Variants in ARMC12 observed in about 807,000 individuals in gnomAD.
ARMC12 encodes armadillo repeat containing 12, also known as armadillo repeat-containing protein 12.
In ARMC12, 25 loss-of-function variants were observed where a neutral mutation model predicts 37.4. The observed-to-expected ratio is 0.67, with a 90% CI of 0.49 to 0.93. The LOEUF (loss-of-function observed/expected upper bound fraction) is 0.93, where lower values mean the gene tolerates loss of function less well. Among genes scored for constraint, ARMC12 ranks in the 40% least tolerant of loss-of-function variants. The probability of loss-of-function intolerance (pLI) is 0.00; values close to 1 mark genes in which losing one functional copy is unlikely to be tolerated. For synonymous variants in ARMC12, 167 were observed against 176.1 expected (o/e 0.95, Z 0.41); for missense variants, 384 against 426.6 (o/e 0.90, Z 0.88).
At chr6:35,746,202 G>T (rs992293813) in intron 3 of ARMC12, among the ~76,000 whole-genome samples, 1 of 152,140 alleles carries the variant, frequency 6.6e-6, no homozygotes, top group Non-Finnish European at 1.5e-5. Flanking sequence ...TACTGAGAAG[G>T]TAACATTTTA....
chr6:35,741,477 C>T (rs904463115), intron 3 of ARMC12, among the ~76,000 whole-genome samples: 8 of 151,392 alleles, frequency 5.3e-5, no homozygotes, highest in African/African-American at 1.7e-4. Context: ...TGCAGTGGCA[C>T]GATCTCGGCT....
Position 35,737,079 on chromosome 6 carries a change from C to A in ARMC12, c.-30C>A. The A allele has an allele frequency of 6.2e-7, 1 of 1,612,038 alleles. No homozygotes were observed. Among genetic ancestry groups the A allele is most frequent in the Non-Finnish European group, 8.5e-7 (1 of 1,178,632 alleles). On this transcript the variant is annotated 5_prime_UTR_variant, in exon 1 of 6. Coordinates refer to ENST00000373866, the MANE Select transcript of ARMC12 (RefSeq NM_001286574.2). ...CCCCACAGGTGCCTTGGGCCTAGCT[C>A]TCACCTGGGCCCAGGGCAACACTGA...
intron 3 of ARMC12, among the ~76,000 whole-genome samples, chr6:35,738,915 A>G (rs1767080901): frequency 6.6e-6 from 1 of 152,220 alleles, no homozygotes; most frequent in Admixed American, 6.5e-5. Context: ...CCCCGACTTC[A>G]GGTACCAATC....
At chr6:35,741,656 G>A (rs1033616300) in intron 3 of ARMC12, among the ~76,000 whole-genome samples, 6 of 152,128 alleles carry the variant, frequency 3.9e-5, no homozygotes, top group Non-Finnish European at 5.9e-5. Context: ...CTGGCCTCAA[G>A]TGATCTGCCT....
chr6:35,747,607 C>A lies in ARMC12; in HGVS notation c.650C>A (p.Ala217Glu), dbSNP rs765371040. ...GCCGTACGACTGCTGAGCTACCTGG[C>A]ACAGAAGAATGACCTTCTCTATGAC... ...VQAVRLLSYL[A>E]QKNDLLYDIL... The change falls in exon 5 of 6, where the codon GCA (alanine) becomes GAA (glutamate). Residue 217 changes from alanine to glutamate, a missense_variant. Ala to Glu is a moderately radical substitution (Grantham distance 107). Coordinates refer to ENST00000373866, the MANE Select transcript of ARMC12 (RefSeq NM_001286574.2). The A allele has an allele frequency of 1.3e-5, 21 of 1,614,098 alleles. No homozygotes were observed. In the African/African-American group the frequency reaches 2.1e-4, roughly 16 times the overall value.
upstream of ARMC12, among the ~76,000 whole-genome samples, chr6:35,732,699 G>C (rs1021601800): frequency 6.6e-6 from 1 of 152,222 alleles, no homozygotes; most frequent in African/African-American, 2.4e-5. Context: ...CTGGTAAAGA[G>C]AATGAGGAAG....
At chr6:35,732,338 A>G (rs923761069), upstream of ARMC12, among the ~76,000 whole-genome samples, 1 of 152,178 alleles carries the variant, frequency 6.6e-6, no homozygotes, top group Non-Finnish European at 1.5e-5. Context: ...GCACGTGTTG[A>G]GCGTCCCCTG....
Position 35,748,862 on chromosome 6 carries a change from A to G in ARMC12, c.1015A>G (p.Thr339Ala), listed in dbSNP as rs536206577. Residue 339 changes from threonine (T) to alanine (A), a missense_variant, in exon 6 of 6, where the codon ACG becomes GCG. Coordinates refer to ENST00000373866, the MANE Select transcript of ARMC12 (RefSeq NM_001286574.2). ...CQPSRSYFKNTE is the reference protein window; with the variant it reads ...CQPSRSYFKNAE ...GCCCAGTCGTTCCTACTTTAAAAAC[A>G]CGGAATAAAATTAAGGAGAGCCAAT... 19 of 1,608,998 alleles carry G rather than the reference A, an allele frequency of 1.2e-5. No individual in the cohort carries two copies. Among genetic ancestry groups the G allele is most frequent in the Non-Finnish European group, 1.6e-5 (19 of 1,177,734 alleles).
intron 3 of ARMC12, among the ~76,000 whole-genome samples, chr6:35,745,506 C>G (rs888353609): frequency 2.0e-5 from 3 of 152,112 alleles, no homozygotes; most frequent in Non-Finnish European, 4.4e-5. Flanking sequence ...AAAGGGGTCT[C>G]TTGAGATAGA....
rs762790813 is a variant in ARMC12 at position 35,747,253 on chromosome 6, C to T, written c.445-8C>T. ...AAAAGTAAGCCCTTTTGTTCTCCCC[C>T]ACTCCAGGAACACTCCATCAAAGTA... On this transcript the variant is annotated splice_region_variant and splice_polypyrimidine_tract_variant and intron_variant, in intron 3 of 5. Transcript: ENST00000373866. The T allele has an allele frequency of 3.7e-6, 6 of 1,608,404 alleles. No homozygotes were observed. The highest frequency in any genetic ancestry group is 5.1e-6 in the Non-Finnish European group (6 of 1,177,356).
At chr6:35,744,710 G>A (rs1050097006) in intron 3 of ARMC12, among the ~76,000 whole-genome samples, 36 of 152,158 alleles carry the variant, frequency 2.4e-4, no homozygotes, top group African/African-American at 8.7e-4. Flanking sequence ...AGCCGAGATC[G>A]CACCACTGCA....
At position 35,748,733 on chromosome 6, in the gene ARMC12, G is replaced by C; in HGVS notation, c.886G>C (p.Ala296Pro). 3.7e-6 allele frequency: 6 copies of C among 1,614,206 alleles called. No homozygotes were observed. The highest frequency in any genetic ancestry group is 5.1e-6 in the Non-Finnish European group (6 of 1,180,046). The stretch of plus-strand genomic sequence containing the variant: ...GTCCCGACTGGCAGACCGACTACTT[G>C]CCCTGGTCATCCACCCTGAGGAAGA... ...EESRLADRLL[A>P]LVIHPEEDVQ... Residue 296 changes from alanine (A) to proline (P), a missense_variant, in exon 6 of 6, where the codon GCC becomes CCC. Ala to Pro is a conservative substitution (Grantham distance 27). Transcript: ENST00000373866.
At position 35,737,039 on chromosome 6, in the gene ARMC12, T is replaced by A; in HGVS notation, c.-70T>A. The A allele has an allele frequency of 6.3e-7, 1 of 1,588,376 alleles. No homozygotes were observed. The highest frequency in any genetic ancestry group is 8.6e-7 in the Non-Finnish European group (1 of 1,166,268). ...CTGGTTCCTGACCCTGCCAGAGTTC[T>A]GGTTCCGGAAGGCCCCCCACAGGTG... is the stretch of plus-strand genomic sequence containing the variant. On this transcript the variant is annotated 5_prime_UTR_variant, in exon 1 of 6. Transcript: ENST00000373866.
chr6:35,738,414 TTGCTGGGCTACA>T lies in ARMC12; in HGVS notation c.347_358del (p.Gly116_Leu119del). 1 of 1,613,788 alleles carries T rather than the reference TTGCTGGGCTACA, an allele frequency of 6.2e-7. No homozygotes were observed. The highest frequency in any genetic ancestry group is 8.5e-7 in the Non-Finnish European group (1 of 1,179,968). ...TGCTTGTACTACGGATGACATCGTG[TTGCTGGGCTACA>T]TGCTGGATGACAAGGACAACAGTGT... On this transcript the variant is annotated inframe_deletion, in exon 3 of 6. Transcript: ENST00000373866.
chr6:35,748,750 T>C lies in ARMC12; in HGVS notation c.903T>C (p.Pro301=). The C allele has an allele frequency of 6.2e-7, 1 of 1,614,234 alleles. No homozygotes were observed. Among genetic ancestry groups the C allele is most frequent in the Non-Finnish European group, 8.5e-7 (1 of 1,180,038 alleles). Residue 301 remains proline, a synonymous_variant, in exon 6 of 6, where the codon CCT becomes CCC. Transcript: ENST00000373866. ...ADRLLALVIH[P]EEDVQIQACK... is the part of the protein sequence containing the mutation. ...GACTACTTGCCCTGGTCATCCACCC[T>C]GAGGAAGATGTTCAGATCCAGGCCT...
At chr6:35,734,446 G>GCTAC (rs1235999741), upstream of ARMC12, among the ~76,000 whole-genome samples, 1 of 152,218 alleles carries the variant, frequency 6.6e-6, no homozygotes, top group Non-Finnish European at 1.5e-5. Context: ...GCAAGTGTGA[G>GCTAC]CTACCACGCC....
chr6:35,738,201 C>G (rs537106456), intron 2 of ARMC12, 29 bp downstream of exon 2: 1 of 1,586,008 alleles, frequency 6.3e-7, no homozygotes, highest in Non-Finnish European at 8.6e-7. Context: ...CCCCCCTAGC[C>G]GGCCTGGCCC....
At chr6:35,731,854 A>G in the ARMC12 span, among the ~76,000 whole-genome samples, 1 of 151,876 alleles carries the variant, frequency 6.6e-6, no homozygotes, top group South Asian at 2.1e-4. Flanking sequence ...TCCGCGTCCT[A>G]GGGGGCGGGC....
intron 3 of ARMC12, among the ~76,000 whole-genome samples, chr6:35,743,364 G>C (rs369721177): frequency 6.6e-6 from 1 of 152,034 alleles, no homozygotes; most frequent in Non-Finnish European, 1.5e-5. Flanking sequence ...TTACAGGCAT[G>C]TGCCACCACG....
Sources: allele counts gnomAD v4.1 joint callset (sites outside exome capture counted in the v4.1 genomes callset), GRCh38; gene constraint gnomAD v4.1.1; transcripts MANE v1.5; gene names NCBI Gene and HGNC (gene_info 2026-07-23, HGNC 2026-07-21).